The following LCMT1 variants were observed in gnomAD, a reference collection of about 807,000 sequenced individuals.
The protein encoded by LCMT1 is [Phosphatase 2A protein]-leucine-carboxy methyltransferase 1.
Under a neutral mutation model 47.7 loss-of-function variants are expected in LCMT1, and 32 were observed. That is an observed-to-expected ratio of 0.67 (90% CI 0.51 to 0.90). The LOEUF (loss-of-function observed/expected upper bound fraction) is 0.90, where lower values mean the gene tolerates loss of function less well. LCMT1 is among the 40% of genes least tolerant of loss of function. The pLI is 0.00. For missense variants in LCMT1, 375 were observed against 415.2 expected, an observed-to-expected ratio of 0.90 and a Z score of 0.84; for synonymous variants, 152 against 149.7, an observed-to-expected ratio of 1.02 and a Z score of -0.11.
At chr16:25,156,651 A>T (rs1364589352) in intron 5 of LCMT1, among the ~76,000 whole-genome samples, 2 of 152,216 alleles carry the variant, frequency 1.3e-5, no homozygotes, top group Admixed American at 1.3e-4. Flanking sequence ...CAAGATTGAG[A>T]AAGATCATAA....
chr16:25,127,810 A>G (rs1960232554), intron 1 of LCMT1, among the ~76,000 whole-genome samples: 1 of 152,214 alleles, frequency 6.6e-6, no homozygotes, highest in South Asian at 2.1e-4. Flanking sequence ...ATGAGTCCTC[A>G]GTCATCCTAA....
At position 25,170,802 on chromosome 16, in the gene LCMT1, G is replaced by A; in HGVS notation, c.881G>A (p.Ser294Asn). 2 of 1,607,992 alleles carry A rather than the reference G, an allele frequency of 1.2e-6. No individual in the cohort carries two copies. Among genetic ancestry groups the A allele is most frequent in the Non-Finnish European group, 1.7e-6 (2 of 1,175,284 alleles). ...LYNRLPRAEV[S>N]RIESLEFLDE... ...AACAGGTTACCTCGAGCTGAAGTGAGCAGGTATGGGGTTGGTGAGCGTCAG... is the reference window on the plus strand; with the variant it reads ...AACAGGTTACCTCGAGCTGAAGTGAACAGGTATGGGGTTGGTGAGCGTCAG... Residue 294 changes from serine to asparagine, a missense_variant, in exon 9 of 11, where the codon AGC (serine) becomes AAC (asparagine). Transcript: ENST00000399069.
chr16:25,136,046 G>A (rs919508500), intron 3 of LCMT1, among the ~76,000 whole-genome samples: 1 of 147,824 alleles, frequency 6.8e-6, no homozygotes, highest in Non-Finnish European at 1.5e-5. Context: ...AGCCAAGATC[G>A]TGCCACTGCA....
intron 2 of LCMT1, among the ~76,000 whole-genome samples, 170 bp downstream of exon 2, chr16:25,128,736 A>C (rs1258393293): frequency 1.3e-5 from 2 of 151,894 alleles, no homozygotes; most frequent in African/African-American, 4.8e-5. Flanking sequence ...CAGCCATAAA[A>C]AGGAATGAGA....
At chr16:25,156,917 G>C (rs1961274372) in intron 5 of LCMT1, among the ~76,000 whole-genome samples, 1 of 149,514 alleles carries the variant, frequency 6.7e-6, no homozygotes, top group African/African-American at 2.5e-5. Flanking sequence ...CCGGAAATCT[G>C]CCTGAGGCTG....
rs772163841 is a variant in LCMT1 at position 25,169,094 on chromosome 16, C to G, written c.691-18C>G. On this transcript the variant is annotated intron_variant, in intron 7 of 10. Coordinates refer to ENST00000399069, the MANE Select transcript of LCMT1 (RefSeq NM_016309.3). ...GGAAACCCTTAGAGTAATATCTTACCTTCTCTTTCCCTCCTAGGTGAACAT... is the reference window on the plus strand; with the variant it reads ...GGAAACCCTTAGAGTAATATCTTACGTTCTCTTTCCCTCCTAGGTGAACAT... 2 of 1,559,166 alleles carry G rather than the reference C, an allele frequency of 1.3e-6. No homozygotes were observed. Among genetic ancestry groups the G allele is most frequent in the Non-Finnish European group, 1.8e-6 (2 of 1,131,066 alleles).
intron 1 of LCMT1, among the ~76,000 whole-genome samples, chr16:25,121,456 A>C (rs1343959625): frequency 3.3e-5 from 5 of 152,198 alleles, no homozygotes; most frequent in African/African-American, 1.2e-4. Context: ...TTTTCTCTTA[A>C]AAGGTTAATT....
chr16:25,170,608 C>A, intron 8 of LCMT1, 106 bp from the exon 9 acceptor site: 1 of 877,982 alleles, frequency 1.1e-6, no homozygotes, highest in Non-Finnish European at 1.8e-6. Context: ...TCAGCCTGGG[C>A]AACAGAATGA....
chr16:25,160,971 A>G, intron 5 of LCMT1, 131 bp from the exon 6 acceptor site: 43 of 552,788 alleles, frequency 7.8e-5, no homozygotes, highest in Non-Finnish European at 1.0e-4. Flanking sequence ...GTTAATTTTT[A>G]CCCTCCTCTT....
At chr16:25,167,602 A>G (rs543000931) in intron 7 of LCMT1, among the ~76,000 whole-genome samples, 91 of 152,180 alleles carry the variant, frequency 6.0e-4, no homozygotes, top group African/African-American at 2.1e-3. Flanking sequence ...ATCAGCCACC[A>G]TGCTCAGCTT....
intron 5 of LCMT1, among the ~76,000 whole-genome samples, chr16:25,154,489 C>CT (rs748304475): frequency 0.018 from 2,250 of 123,710 alleles, 83 homozygotes; most frequent in African/African-American, 0.051. Flanking sequence ...TGGATGTGTT[C>CT]TTTTTTTTTT....
intron 5 of LCMT1, among the ~76,000 whole-genome samples, chr16:25,154,490 T>C (rs1961178271): frequency 1.6e-5 from 2 of 127,134 alleles, no homozygotes; most frequent in East Asian, 4.2e-4. Flanking sequence ...GGATGTGTTC[T>C]TTTTTTTTTT....
At chr16:25,158,318 A>T (rs1296180152) in intron 5 of LCMT1, among the ~76,000 whole-genome samples, 7 of 152,146 alleles carry the variant, frequency 4.6e-5, no homozygotes, top group Non-Finnish European at 8.8e-5. Context: ...CGCCTGGCTA[A>T]TTTTGTATTT....
chr16:25,166,829 C>T (rs750470963), intron 7 of LCMT1, among the ~76,000 whole-genome samples: 18 of 152,054 alleles, frequency 1.2e-4, no homozygotes, highest in African/African-American at 4.3e-4. Flanking sequence ...TAATTGGGAG[C>T]GCTCCTCAGA....
At chr16:25,132,139 C>A (rs374036335) in intron 2 of LCMT1, 16 of 492,792 alleles carry the variant, frequency 3.2e-5, no homozygotes, top group Non-Finnish European at 5.4e-5. Context: ...ACTTATTTTT[C>A]ATACATAAAA....
chr16:25,133,390 T>TG (rs1327318712), intron 3 of LCMT1, among the ~76,000 whole-genome samples: 1 of 77,618 alleles, frequency 1.3e-5, no homozygotes, highest in Non-Finnish European at 2.6e-5. Context: ...CTTAGGTTTT[T>TG]TTTTTTTTTT....
chr16:25,174,804 A>G (rs969555624), intron 9 of LCMT1, 133 bp from the exon 10 acceptor site: 4 of 447,882 alleles, frequency 8.9e-6, no homozygotes, highest in Admixed American at 4.3e-5. Context: ...GAGCCACACC[A>G]TAATTACTAT....
chr16:25,177,950 G>A, intron 10 of LCMT1, 51 bp from the exon 11 acceptor site: 1 of 1,589,922 alleles, frequency 6.3e-7, no homozygotes, highest in Non-Finnish European at 8.6e-7. Flanking sequence ...AGGGGCCTCT[G>A]CTCCTGGCCA....
In LCMT1 at chr16:25,151,616, G is replaced by A. The variant is rs1000013234; in HGVS notation, c.466+1G>A. ...CATTCAGAGGACACACTTCAGATGG[G>A]CAAGTATCAAGCTAATGCAAAATGG... On this transcript the variant is annotated splice_donor_variant, in intron 5 of 10. Transcript: ENST00000399069. LOFTEE classifies it high-confidence loss of function. 1.9e-6 allele frequency: 3 copies of A among 1,611,902 alleles called. No homozygotes were observed. The highest frequency in any genetic ancestry group is 2.2e-5 in the East Asian group (1 of 44,862).
Sources: gnomAD v4.1 joint callset for allele counts (sites outside exome capture counted in the v4.1 genomes callset) on GRCh38, gnomAD v4.1.1 for gene constraint, MANE v1.5 for transcripts, NCBI Gene and HGNC (gene_info 2026-07-23, HGNC 2026-07-21) for gene names.